The following CYP2J2 variants were observed in gnomAD, a reference collection of about 807,000 sequenced individuals.
The protein encoded by CYP2J2 is cytochrome P450 family 2 subfamily J member 2, also known as cytochrome P450 2J2.
Under a neutral mutation model 48.8 loss-of-function variants are expected in CYP2J2, and 41 were observed. That is an observed-to-expected ratio of 0.84 (90% CI 0.66 to 1.09). The LOEUF (loss-of-function observed/expected upper bound fraction) is 1.09, where lower values mean the gene tolerates loss of function less well. Ranked by LOEUF, CYP2J2 falls within the 50% of genes least tolerant of loss-of-function variation. The pLI is 0.00. For synonymous variants in CYP2J2, 221 were observed against 227.1 expected, an observed-to-expected ratio of 0.97 and a Z score of 0.24; for missense variants, 644 against 617.3, an observed-to-expected ratio of 1.04 and a Z score of -0.46.
At chr1:59,952,666 C>T in the CYP2J2 span, among the ~76,000 whole-genome samples, 2 of 152,150 alleles carry the variant, frequency 1.3e-5, no homozygotes, top group African/African-American at 2.4e-5. Context: ...CAGCAGCTGG[C>T]ACAGTATATC....
intron 5 of CYP2J2, among the ~76,000 whole-genome samples, chr1:59,909,377 T>G (rs1359022420): frequency 6.6e-6 from 1 of 152,054 alleles, no homozygotes; most frequent in Non-Finnish European, 1.5e-5. Flanking sequence ...GTGGGCCCAG[T>G]GTTATCATAA....
At chr1:59,900,231 C>T (rs1251265545) in intron 8 of CYP2J2, among the ~76,000 whole-genome samples, 2 of 152,324 alleles carry the variant, frequency 1.3e-5, no homozygotes, top group African/African-American at 2.4e-5. Flanking sequence ...AAATAAGTTT[C>T]TCCTTCCCCT....
At position 59,918,196 on chromosome 1, in the gene CYP2J2, T is replaced by C. The variant is rs11572234; in HGVS notation, c.211-2096A>G. 4.1e-3 allele frequency among the ~76,000 whole-genome samples: 627 copies of C among 152,312 alleles called. 6 individuals carry two copies. The highest frequency in any genetic ancestry group is 0.014 in the African/African-American group (602 of 41,562). On this transcript the variant is annotated intron_variant, in intron 1 of 8. Coordinates refer to ENST00000371204, the MANE Select transcript of CYP2J2 (RefSeq NM_000775.4). ...CATACACATTAAGCAATTTTTTTAA[T>C]GTACCCTTGCTGAATTCCTGGATGA...
the CYP2J2 span, among the ~76,000 whole-genome samples, chr1:59,967,323 A>C: frequency 6.6e-6 from 1 of 152,196 alleles, no homozygotes; most frequent in African/African-American, 2.4e-5. Flanking sequence ...CTTTCCAATG[A>C]GTCAGTGTTT....
chr1:59,911,696 T>A lies in CYP2J2; in HGVS notation c.596A>T (p.Glu199Val). The A allele has an allele frequency of 6.2e-7, 1 of 1,613,718 alleles. No individual in the cohort carries two copies. ...CCAACTATCCTGGTACTCAAAGCGT[T>A]CTCCGAAGGTGATGGAGCAAATGAT... The part of the protein sequence containing the change: ...SNIICSITFG[E>V]RFEYQDSWFQ... The change falls in exon 4 of 9, where the codon GAA (glutamate) becomes GTA (valine). Residue 199 changes from glutamate to valine, a missense_variant. By Grantham distance (121) the Glu-to-Val change is moderately radical. Coordinates refer to ENST00000371204, the MANE Select transcript of CYP2J2 (RefSeq NM_000775.4).
chr1:59,948,997 T>C, the CYP2J2 span, among the ~76,000 whole-genome samples: 1 of 151,978 alleles, frequency 6.6e-6, no homozygotes, highest in African/African-American at 2.4e-5. Flanking sequence ...TGCCTGTGAA[T>C]GGTCACTGCA....
intron 1 of CYP2J2, among the ~76,000 whole-genome samples, chr1:59,918,337 C>T (rs1644484389): frequency 2.0e-5 from 3 of 152,160 alleles, no homozygotes; most frequent in South Asian, 4.1e-4. Flanking sequence ...GCAAAGTATA[C>T]AGCCTAGAAT....
chr1:59,915,245 G>A (rs1644454361), intron 2 of CYP2J2, among the ~76,000 whole-genome samples: 2 of 152,252 alleles, frequency 1.3e-5, no homozygotes, highest in East Asian at 1.9e-4. Context: ...TATGCTGAGC[G>A]CCAGTCCCCT....
the CYP2J2 span, among the ~76,000 whole-genome samples, chr1:59,968,077 A>T: frequency 6.6e-6 from 1 of 152,100 alleles, no homozygotes; most frequent in Non-Finnish European, 1.5e-5. Flanking sequence ...GTGCACGGGG[A>T]TCTCCAGCTG....
intron 8 of CYP2J2, among the ~76,000 whole-genome samples, chr1:59,897,838 T>C (rs1250781232): frequency 1.3e-5 from 2 of 152,156 alleles, no homozygotes; most frequent in Non-Finnish European, 2.9e-5. Context: ...AAGTGAGGAC[T>C]TCGGAAGAGT....
the CYP2J2 span, among the ~76,000 whole-genome samples, chr1:59,952,937 G>A: frequency 2.6e-5 from 4 of 152,276 alleles, no homozygotes; most frequent in South Asian, 6.2e-4. Context: ...AACAGGATCA[G>A]GTACACAGTA....
the CYP2J2 span, among the ~76,000 whole-genome samples, chr1:59,962,525 G>A: frequency 6.6e-6 from 1 of 152,098 alleles, no homozygotes; most frequent in African/African-American, 2.4e-5. Flanking sequence ...ATTAGAGCTG[G>A]TAAGATTGAA....
chr1:59,922,471 C>A (rs924824084), intron 1 of CYP2J2, among the ~76,000 whole-genome samples: 3 of 152,142 alleles, frequency 2.0e-5, no homozygotes, highest in Admixed American at 2.0e-4. Flanking sequence ...GTTTTACACC[C>A]AGAAACATAA....
chr1:59,966,984 A>G, the CYP2J2 span, among the ~76,000 whole-genome samples: 1 of 151,350 alleles, frequency 6.6e-6, no homozygotes. Context: ...TTCAGGCAAA[A>G]CTACTCCTCA....
At chr1:59,915,828 A>T in intron 2 of CYP2J2, 110 bp downstream of exon 2, 1 of 1,026,362 alleles carries the variant, frequency 9.7e-7, no homozygotes, top group Non-Finnish European at 1.4e-6. Context: ...GAAGTTTATT[A>T]TGGGGCTGGT....
intron 2 of CYP2J2, chr1:59,912,804 A>C (rs1335879116): frequency 6.5e-6 from 1 of 154,498 alleles, no homozygotes; most frequent in East Asian, 1.9e-4. Context: ...CATACTCTTA[A>C]AGAGGCTAAG....
At chr1:59,959,367 TAA>T in the CYP2J2 span, among the ~76,000 whole-genome samples, 1 of 150,846 alleles carries the variant, frequency 6.6e-6, no homozygotes, top group African/African-American at 2.4e-5. Flanking sequence ...CTTACATAAC[TAA>T]AAGTAGATCT....
chr1:59,909,260 T>A (rs1382875899), intron 5 of CYP2J2, among the ~76,000 whole-genome samples: 1 of 152,216 alleles, frequency 6.6e-6, no homozygotes, highest in African/African-American at 2.4e-5. Flanking sequence ...AGATATCCAT[T>A]CACATCCTAA....
chr1:59,930,087 G>A (rs553790399), upstream of CYP2J2, among the ~76,000 whole-genome samples: 1 of 152,090 alleles, frequency 6.6e-6, no homozygotes. Context: ...TAGAGAAAAC[G>A]GAGACCAAAA....
Sources: gnomAD v4.1 joint callset for allele counts (sites outside exome capture counted in the v4.1 genomes callset) on GRCh38, gnomAD v4.1.1 for gene constraint, MANE v1.5 for transcripts, NCBI Gene and HGNC (gene_info 2026-07-23, HGNC 2026-07-21) for gene names.